Variants in ATP10D observed in about 807,000 individuals in gnomAD.
The protein encoded by ATP10D is phospholipid-transporting ATPase VD.
ATP10D carries 89 observed loss-of-function variants against 144.8 expected under a neutral mutation model. That is an observed-to-expected ratio of 0.61 (90% CI 0.52 to 0.73). ATP10D has a LOEUF of 0.73. Among genes scored for constraint, ATP10D ranks in the 30% least tolerant of loss-of-function variants. The pLI is 0.00. For missense variants in ATP10D, 1,603 were observed against 1,714.8 expected (o/e 0.93, Z 1.15); for synonymous variants, 571 against 615.1 (o/e 0.93, Z 1.06).
At chr4:47,507,154 C>T (rs949286624) in intron 1 of ATP10D, among the ~76,000 whole-genome samples, 5 of 152,134 alleles carry the variant, frequency 3.3e-5, no homozygotes, top group African/African-American at 1.2e-4. Context: ...ACTGTGCACA[C>T]AAATTCTCAG....
chr4:47,515,627 A>T lies in ATP10D; in HGVS notation c.442A>T (p.Ile148Phe). Residue 148 changes from isoleucine to phenylalanine, a missense_variant, in exon 3 of 23, where the codon ATT becomes TTT. By Grantham distance (21) the Ile-to-Phe change is conservative. Coordinates refer to ENST00000273859, the MANE Select transcript of ATP10D (RefSeq NM_020453.4). ...DGLEDYRKYK[I>F]DKQINNLITK... ...CCTGGAAGATTATCGGAAATACAAAATTGACAAACAGATCAATAATTTAAT... is the reference window on the plus strand; with the variant it reads ...CCTGGAAGATTATCGGAAATACAAATTTGACAAACAGATCAATAATTTAAT... 4 of 1,612,058 alleles carry T rather than the reference A, an allele frequency of 2.5e-6. No individual in the cohort carries two copies. The highest frequency in any genetic ancestry group is 3.4e-6 in the Non-Finnish European group (4 of 1,178,136).
intron 10 of ATP10D, among the ~76,000 whole-genome samples, chr4:47,549,074 G>A (rs1237653508): frequency 6.6e-6 from 1 of 152,168 alleles, no homozygotes; most frequent in African/African-American, 2.4e-5. Context: ...ACCAGCCTTT[G>A]GGCATTAGAA....
At chr4:47,551,381 C>G (rs1718725682) in intron 10 of ATP10D, among the ~76,000 whole-genome samples, 1 of 152,176 alleles carries the variant, frequency 6.6e-6, no homozygotes. Context: ...AGGAAGCTGT[C>G]TACATCATAC....
At chr4:47,502,214 C>T (rs1030367640) in intron 1 of ATP10D, among the ~76,000 whole-genome samples, 3 of 152,140 alleles carry the variant, frequency 2.0e-5, no homozygotes, top group Non-Finnish European at 4.4e-5. Flanking sequence ...GTGGTTTGTG[C>T]CTGTAATCCC....
At chr4:47,498,022 A>C (rs1394123804) in intron 1 of ATP10D, among the ~76,000 whole-genome samples, 1 of 152,248 alleles carries the variant, frequency 6.6e-6, no homozygotes, top group East Asian at 1.9e-4. Context: ...TTAATCTATT[A>C]TATGTCAGAT....
At chr4:47,580,304 C>A in intron 19 of ATP10D, 94 bp from the exon 20 acceptor site, 1 of 1,013,660 alleles carries the variant, frequency 9.9e-7, no homozygotes, top group Non-Finnish European at 1.5e-6. Flanking sequence ...GGAGCTTTCT[C>A]TCAGAGAAAC....
rs1461439449 is a variant in ATP10D at position 47,561,069 on chromosome 4, T to A, written c.2662T>A (p.Leu888Ile). ...SAMRLENKLT[L>I]LGATGIEDRL... Reference sequence around the variant, plus strand: ...CATGAGGTTGGAGAACAAACTTACATTACTTGGTAGGTGAATTATGTTTGT... The same window carrying A: ...CATGAGGTTGGAGAACAAACTTACAATACTTGGTAGGTGAATTATGTTTGT... The change falls in exon 14 of 23, where the codon TTA becomes ATA. Residue 888 changes from leucine to isoleucine, a missense_variant. Leu to Ile is a conservative substitution (Grantham distance 5). Transcript: ENST00000273859. 1 of 1,614,190 alleles carries A rather than the reference T, an allele frequency of 6.2e-7. No homozygotes were observed. Among genetic ancestry groups the A allele is most frequent in the Non-Finnish European group, 8.5e-7 (1 of 1,180,008 alleles).
At chr4:47,530,454 G>A (rs1717504215) in intron 5 of ATP10D, among the ~76,000 whole-genome samples, 2 of 151,842 alleles carry the variant, frequency 1.3e-5, no homozygotes, top group Admixed American at 1.3e-4. Context: ...CTTTTTGTTT[G>A]TTTGTTTGTT....
intron 3 of ATP10D, among the ~76,000 whole-genome samples, chr4:47,518,304 C>T (rs758270053): frequency 1.3e-5 from 2 of 152,090 alleles, no homozygotes; most frequent in East Asian, 1.9e-4. Flanking sequence ...ATAACAAACA[C>T]TAGTCTAGAA....
In ATP10D at chr4:47,563,691, G is replaced by A; in HGVS notation, c.2779G>A (p.Ala927Thr). The change falls in exon 15 of 23, where the codon GCT becomes ACT. Residue 927 changes from alanine (A) to threonine (T), a missense_variant. Coordinates refer to ENST00000273859, the MANE Select transcript of ATP10D (RefSeq NM_020453.4). ...WMLTGDKQET[A>T]VNIAYACKLL... ...GCTGACAGGGGACAAGCAGGAGACAGCTGTCAACATAGCTTATGCATGCAA... is the reference window on the plus strand; with the variant it reads ...GCTGACAGGGGACAAGCAGGAGACAACTGTCAACATAGCTTATGCATGCAA... 2 of 1,613,992 alleles carry A rather than the reference G, an allele frequency of 1.2e-6. No homozygotes were observed. Among genetic ancestry groups the A allele is most frequent in the Non-Finnish European group, 1.7e-6 (2 of 1,179,980 alleles).
chr4:47,562,192 A>G (rs1239033512), intron 14 of ATP10D, among the ~76,000 whole-genome samples: 1 of 152,232 alleles, frequency 6.6e-6, no homozygotes, highest in Non-Finnish European at 1.5e-5. Context: ...TGCTTGATTA[A>G]CAAGTATTAT....
intron 22 of ATP10D, among the ~76,000 whole-genome samples, chr4:47,587,556 T>C (rs1306827482): frequency 6.7e-6 from 1 of 149,754 alleles, no homozygotes; most frequent in African/African-American, 2.6e-5. Flanking sequence ...CATTTCGTGC[T>C]GCCACAGTGG....
At chr4:47,571,731 T>A (rs766392015) in intron 16 of ATP10D, among the ~76,000 whole-genome samples, 1 of 152,122 alleles carries the variant, frequency 6.6e-6, no homozygotes, top group Non-Finnish European at 1.5e-5. Flanking sequence ...GGGCATCTGA[T>A]CTTTAAAAAA....
At chr4:47,538,536 C>T (rs546086472) in intron 9 of ATP10D, among the ~76,000 whole-genome samples, 12 of 152,262 alleles carry the variant, frequency 7.9e-5, no homozygotes, top group African/African-American at 2.6e-4. Context: ...TAAACCAACA[C>T]AAATATGCTG....
chr4:47,559,337 C>G (rs1560445186), intron 13 of ATP10D, among the ~76,000 whole-genome samples: 1 of 152,120 alleles, frequency 6.6e-6, no homozygotes, highest in Non-Finnish European at 1.5e-5. Flanking sequence ...TTCTTTCCCC[C>G]AGGACTTTGA....
rs6447564 is a variant in ATP10D at position 47,525,520 on chromosome 4, T to A, written c.691-37T>A. On this transcript the variant is annotated intron_variant, in intron 4 of 22. Coordinates refer to ENST00000273859, the MANE Select transcript of ATP10D (RefSeq NM_020453.4). ...ACACTTCAATATTAAGGGTTTAACC[T>A]TGAATTCTTATTTTGTGATTCAAAA... 4.1e-6 allele frequency: 6 copies of A among 1,454,652 alleles called. No individual in the cohort carries two copies. The South Asian group carries it at 4.6e-5, about 11-fold the overall frequency. The allele number at this position is 1,454,652 out of a possible 1,614,324, so 90.1% of individuals were successfully genotyped here.
At chr4:47,523,436 C>G (rs1047169241) in intron 4 of ATP10D, among the ~76,000 whole-genome samples, 6 of 152,114 alleles carry the variant, frequency 3.9e-5, no homozygotes, top group African/African-American at 1.4e-4. Context: ...TAGTGTAGCA[C>G]TCATATTTTT....
At chr4:47,537,644 T>A (rs748183191) in intron 9 of ATP10D, among the ~76,000 whole-genome samples, 1 of 152,204 alleles carries the variant, frequency 6.6e-6, no homozygotes, top group Non-Finnish European at 1.5e-5. Flanking sequence ...AGTTAGAACA[T>A]GTAATAGTAC....
At chr4:47,581,783 C>T (rs1315937805) in intron 20 of ATP10D, among the ~76,000 whole-genome samples, 177 bp from the exon 21 acceptor site, 4 of 151,978 alleles carry the variant, frequency 2.6e-5, no homozygotes, top group Admixed American at 6.6e-5. Flanking sequence ...GATTAGATGC[C>T]CTGTCTGGGA....
Sources: allele counts gnomAD v4.1 joint callset (sites outside exome capture counted in the v4.1 genomes callset), GRCh38; gene constraint gnomAD v4.1.1; transcripts MANE v1.5; gene names NCBI Gene and HGNC (gene_info 2026-07-23, HGNC 2026-07-21).